Variants in MCTP1 observed in about 807,000 individuals in gnomAD.
The protein encoded by MCTP1 is multiple C2 and transmembrane domain containing 1, also known as multiple C2 and transmembrane domain-containing protein 1.
Under a neutral mutation model 120.6 loss-of-function variants are expected in MCTP1, and 69 were observed. The observed-to-expected ratio is 0.57, with a 90% CI of 0.47 to 0.70. MCTP1 has a LOEUF of 0.70. MCTP1 is among the 30% of genes least tolerant of loss of function. The pLI is 0.00. For synonymous variants in MCTP1, 529 were observed against 493.1 expected (o/e 1.07, Z -0.96); for missense variants, 1,203 against 1,248.8 (o/e 0.96, Z 0.55).
intron 1 of MCTP1, among the ~76,000 whole-genome samples, chr5:95,146,956 A>T (rs1000809087): frequency 2.9e-4 from 44 of 152,158 alleles, no homozygotes; most frequent in African/African-American, 1.0e-3. Context: ...TCAATGATCT[A>T]ATGCTATCAG....
chr5:94,994,043 C>G (rs1244198167), intron 2 of MCTP1, among the ~76,000 whole-genome samples: 1 of 152,188 alleles, frequency 6.6e-6, no homozygotes, highest in Non-Finnish European at 1.5e-5. Context: ...ACGCAAGATT[C>G]TGTCCTCCTA....
chr5:95,097,439 T>A (rs1756357381), intron 1 of MCTP1, among the ~76,000 whole-genome samples: 1 of 152,262 alleles, frequency 6.6e-6, no homozygotes, highest in South Asian at 2.1e-4. Context: ...GCAAGGGCCT[T>A]GGGATAGGAA....
chr5:94,779,125 A>G lies in MCTP1; in HGVS notation c.2595T>C (p.Asp865=). Residue 865 remains aspartate, a synonymous_variant, in exon 19 of 23, where the codon GAT becomes GAC. Coordinates refer to ENST00000515393, the MANE Select transcript of MCTP1 (RefSeq NM_024717.7). ...AGATAATTACCTTGTCATCTTTGTC[A>G]TCTTCTTCTTCCTCGTCCTCTAGCA... is the stretch of plus-strand genomic sequence containing the variant. ...EDMLEDEEEE[D]DKDDKDSEKK... 6.2e-7 allele frequency: 1 copy of G among 1,613,626 alleles called. No homozygotes were observed. Among genetic ancestry groups the G allele is most frequent in the Non-Finnish European group, 8.5e-7 (1 of 1,179,636 alleles).
intron 3 of MCTP1, among the ~76,000 whole-genome samples, chr5:94,949,559 T>TA (rs145629500): frequency 0.036 from 5,510 of 152,126 alleles, 145 homozygotes; most frequent in East Asian, 0.09. Context: ...AAGATTTTTT[T>TA]AAAAAATAAA....
intron 19 of MCTP1, among the ~76,000 whole-genome samples, chr5:94,755,503 C>G (rs1237281341): frequency 6.6e-6 from 1 of 152,204 alleles, no homozygotes; most frequent in Non-Finnish European, 1.5e-5. Context: ...GCTCTCACCA[C>G]ACTAGGGAAA....
chr5:95,276,491 C>T (rs1759845939), intron 1 of MCTP1, among the ~76,000 whole-genome samples: 1 of 150,826 alleles, frequency 6.6e-6, no homozygotes, highest in Non-Finnish European at 1.5e-5. Flanking sequence ...CTCCTGACCT[C>T]AGGTGATCCG....
At chr5:94,724,800 GA>G (rs34479231) in intron 19 of MCTP1, among the ~76,000 whole-genome samples, 2 of 151,978 alleles carry the variant, frequency 1.3e-5, no homozygotes, top group Admixed American at 1.3e-4. Context: ...CAGCAGCCAG[GA>G]AAAAGGGGCC....
At chr5:94,832,609 AACACACACACACACACACAC>A (rs59233492) in intron 17 of MCTP1, among the ~76,000 whole-genome samples, 12 of 147,124 alleles carry the variant, frequency 8.2e-5, no homozygotes, top group Non-Finnish European at 1.3e-4. Flanking sequence ...GGGCTAGCTG[AACACACACACACACACACAC>A]ACACACACAC....
intron 1 of MCTP1, among the ~76,000 whole-genome samples, chr5:95,195,654 G>A (rs1035631465): frequency 6.6e-6 from 1 of 152,146 alleles, no homozygotes; most frequent in Non-Finnish European, 1.5e-5. Context: ...CAAATGCCGA[G>A]TTGATAGAGC....
intron 10 of MCTP1, among the ~76,000 whole-genome samples, chr5:94,897,229 A>ATTT (rs34402712): frequency 3.6e-5 from 5 of 137,260 alleles, no homozygotes; most frequent in East Asian, 4.2e-4. Context: ...GGCCTGGCTA[A>ATTT]TTTTTTTTTT....
At chr5:94,718,644 A>G (rs1209326439) in intron 19 of MCTP1, among the ~76,000 whole-genome samples, 2 of 152,216 alleles carry the variant, frequency 1.3e-5, no homozygotes, top group Non-Finnish European at 2.9e-5. Flanking sequence ...AGAATCTACA[A>G]GAACTTAAAT....
intron 9 of MCTP1, among the ~76,000 whole-genome samples, chr5:94,909,602 A>G (rs1807911796): frequency 6.6e-6 from 1 of 152,122 alleles, no homozygotes; most frequent in Non-Finnish European, 1.5e-5. Flanking sequence ...CCTGAAAATC[A>G]CAAGACATTC....
chr5:94,715,718 T>A (rs151098827), intron 19 of MCTP1, among the ~76,000 whole-genome samples: 1 of 152,294 alleles, frequency 6.6e-6, no homozygotes, highest in East Asian at 1.9e-4. Context: ...CCTTTCACAA[T>A]TGAAAATTCT....
intron 18 of MCTP1, chr5:94,791,872 C>T (rs1354660081): frequency 6.6e-6 from 1 of 152,316 alleles, no homozygotes; most frequent in Non-Finnish European, 1.5e-5. Context: ...GTGAAAGGCC[C>T]CTCTTCCAGC....
chr5:95,202,917 C>T (rs1301517665), intron 1 of MCTP1, among the ~76,000 whole-genome samples: 2 of 152,048 alleles, frequency 1.3e-5, no homozygotes, highest in Admixed American at 6.6e-5. Flanking sequence ...TTGGTACAGA[C>T]GGGGTTTCAC....
chr5:94,901,111 T>A (rs190217268), intron 10 of MCTP1, among the ~76,000 whole-genome samples: 30 of 152,278 alleles, frequency 2.0e-4, no homozygotes, highest in Admixed American at 3.3e-4. Flanking sequence ...CTGGGTAATT[T>A]ATATAGGAAA....
At chr5:94,752,661 T>C (rs967471484) in intron 19 of MCTP1, among the ~76,000 whole-genome samples, 3 of 151,994 alleles carry the variant, frequency 2.0e-5, no homozygotes, top group African/African-American at 7.2e-5. Flanking sequence ...TACCTGAGTA[T>C]GAAAAAAGAA....
intron 7 of MCTP1, among the ~76,000 whole-genome samples, chr5:94,921,640 C>G (rs960599224): frequency 6.6e-6 from 1 of 152,130 alleles, no homozygotes; most frequent in African/African-American, 2.4e-5. Flanking sequence ...GGGTAAAGAG[C>G]AGTGAGGTCA....
chr5:95,218,985 T>C, intron 1 of MCTP1, among the ~76,000 whole-genome samples: 1 of 152,250 alleles, frequency 6.6e-6, no homozygotes, highest in Non-Finnish European at 1.5e-5. Flanking sequence ...CATTATGCAA[T>C]GCATGACTGT....
Sources: gnomAD v4.1 joint callset for allele counts (sites outside exome capture counted in the v4.1 genomes callset) on GRCh38, gnomAD v4.1.1 for gene constraint, MANE v1.5 for transcripts, NCBI Gene and HGNC (gene_info 2026-07-23, HGNC 2026-07-21) for gene names.